The following DACH2 variants were observed in gnomAD, a reference collection of about 807,000 sequenced individuals.
The protein encoded by DACH2 is dachshund homolog 2.
A neutral mutation model predicts 35.8 loss-of-function variants in DACH2; 17 were observed. That is an observed-to-expected ratio of 0.48 (90% CI 0.33 to 0.71). DACH2 has a LOEUF of 0.71. Ranked by LOEUF, DACH2 falls within the 30% of genes least tolerant of loss-of-function variation. The pLI is 0.02. For missense variants in DACH2, 469 were observed against 472.7 expected, an observed-to-expected ratio of 0.99 and a Z score of 0.07; for synonymous variants, 195 against 177.3, an observed-to-expected ratio of 1.10 and a Z score of -0.79.
intron 11 of DACH2, among the ~76,000 whole-genome samples, chrX:86,826,097 G>C (rs778486621): frequency 7.2e-5 from 8 of 111,315 alleles, no homozygotes; most frequent in Non-Finnish European, 1.3e-4. Context: ...TGGCCTATAA[G>C]TGATGTGTAA....
In DACH2 at chrX:86,705,950, G is replaced by A. The variant is rs963895607; in HGVS notation, c.932-8598G>A. On this transcript the variant is annotated intron_variant, in intron 5 of 11. Coordinates refer to ENST00000373125, the MANE Select transcript of DACH2 (RefSeq NM_053281.3). The stretch of plus-strand genomic sequence containing the variant: ...AATTAATATCTTTTGCAGTCACTTG[G>A]ATGGAGCTGAAGGCCATCATTCTAA... Among the ~76,000 whole-genome samples the A allele has an allele frequency of 8.0e-5, 9 of 112,065 alleles. No individual in the cohort carries two copies. In the Admixed American group the frequency reaches 8.5e-4, roughly 11 times the overall value.
intron 11 of DACH2, among the ~76,000 whole-genome samples, chrX:86,820,598 C>CA (rs1444143403): frequency 9.1e-6 from 1 of 109,703 alleles, no homozygotes; most frequent in African/African-American, 3.3e-5. Context: ...GAATTAAAAA[C>CA]AAAAAAAGTG....
intron 1 of DACH2, among the ~76,000 whole-genome samples, chrX:86,288,624 C>G (rs1309706593): frequency 8.9e-6 from 1 of 112,023 alleles, no homozygotes. Flanking sequence ...TCACTCTTCC[C>G]TCCCTTTCTT....
At chrX:86,371,698 A>G (rs1789860923) in intron 1 of DACH2, among the ~76,000 whole-genome samples, 1 of 111,198 alleles carries the variant, frequency 9.0e-6, no homozygotes, top group Non-Finnish European at 1.9e-5. Flanking sequence ...AAGTGTTGTT[A>G]TATAAGATGC....
chrX:86,425,946 G>A (rs898877212), intron 2 of DACH2, among the ~76,000 whole-genome samples: 7 of 111,027 alleles, frequency 6.3e-5, no homozygotes, highest in Non-Finnish European at 9.5e-5. Flanking sequence ...TATGAGACCT[G>A]CAATGAGCAG....
intron 3 of DACH2, among the ~76,000 whole-genome samples, chrX:86,543,552 T>C (rs5968937): frequency 0.14 from 15,013 of 109,586 alleles, 907 homozygotes; most frequent in East Asian, 0.24. Flanking sequence ...TAGGAGAAAA[T>C]TGAAACCCAA....
intron 3 of DACH2, among the ~76,000 whole-genome samples, chrX:86,586,860 T>G (rs1281576659): frequency 8.9e-6 from 1 of 111,863 alleles, no homozygotes; most frequent in Non-Finnish European, 1.9e-5. Context: ...AAGTGATCCT[T>G]CAGCTTTGGT....
intron 11 of DACH2, among the ~76,000 whole-genome samples, chrX:86,824,546 A>G (rs2042544739): frequency 8.9e-6 from 1 of 111,986 alleles, no homozygotes; most frequent in African/African-American, 3.2e-5. Context: ...TAACAGGATT[A>G]AGAGATTAAA....
At chrX:86,482,289 T>G (rs2037949057) in intron 2 of DACH2, among the ~76,000 whole-genome samples, 1 of 112,237 alleles carries the variant, frequency 8.9e-6, no homozygotes, top group Non-Finnish European at 1.9e-5. Flanking sequence ...AATTTTCAAC[T>G]TACAGTTAAA....
At chrX:86,223,165 A>G (rs1158961195) in intron 1 of DACH2, among the ~76,000 whole-genome samples, 3 of 111,970 alleles carry the variant, frequency 2.7e-5, no homozygotes, top group Non-Finnish European at 5.6e-5. Flanking sequence ...ACTGGTTTGT[A>G]AACAGTAAGA....
At chrX:86,761,034 A>G (rs1295078337) in intron 7 of DACH2, among the ~76,000 whole-genome samples, 1 of 110,997 alleles carries the variant, frequency 9.0e-6, no homozygotes, top group African/African-American at 3.3e-5. Context: ...TTGTTTTTTA[A>G]TTTTTTATTT....
At chrX:86,663,218 G>T (rs1426160248) in intron 4 of DACH2, among the ~76,000 whole-genome samples, 3 of 111,716 alleles carry the variant, frequency 2.7e-5, no homozygotes. Flanking sequence ...CTGTATGAGA[G>T]TTTTGGTTTT....
chrX:86,340,173 G>T (rs1043490615), intron 1 of DACH2, among the ~76,000 whole-genome samples: 9 of 111,207 alleles, frequency 8.1e-5, no homozygotes, highest in Admixed American at 5.8e-4. Context: ...TTACTTTATT[G>T]CACTTAGTTG....
In DACH2 at chrX:86,485,086, A is replaced by G. The variant is rs766378045; in HGVS notation, c.528-29193A>G. Among the ~76,000 whole-genome samples the G allele has an allele frequency of 3.6e-5, 4 of 111,906 alleles. No homozygotes were observed. In the East Asian group the frequency reaches 1.1e-3, roughly 31 times the overall value. ...TGTGTGTATTTTTAACCTATATTTG[A>G]TAATAGTTTTTCAAACCTTATATAA... On this transcript the variant is annotated intron_variant, in intron 2 of 11. Transcript: ENST00000373125.
intron 2 of DACH2, among the ~76,000 whole-genome samples, chrX:86,442,025 C>A (rs1008781716): frequency 9.1e-6 from 1 of 109,616 alleles, no homozygotes; most frequent in Admixed American, 9.9e-5. Flanking sequence ...CCACCATGCC[C>A]AGTTATCCTT....
chrX:86,776,830 A>G (rs866788237), intron 7 of DACH2, among the ~76,000 whole-genome samples: 6 of 111,361 alleles, frequency 5.4e-5, no homozygotes, highest in Middle Eastern at 4.2e-3. Context: ...GAGTGAGAAC[A>G]TGCGGTGTTT....
chrX:86,644,770 G>A (rs1467404624), intron 3 of DACH2, among the ~76,000 whole-genome samples: 1 of 110,397 alleles, frequency 9.1e-6, no homozygotes, highest in Non-Finnish European at 1.9e-5. Flanking sequence ...GAATATCTAT[G>A]ACCATCTGAT....
At chrX:86,512,129 T>G (rs1216689602) in intron 2 of DACH2, among the ~76,000 whole-genome samples, 1 of 111,430 alleles carries the variant, frequency 9.0e-6, no homozygotes, top group African/African-American at 3.3e-5. Flanking sequence ...CAGACAAGTA[T>G]GCTACCTTCA....
chrX:86,779,001 A>T (rs2042064200), intron 7 of DACH2, among the ~76,000 whole-genome samples: 1 of 112,134 alleles, frequency 8.9e-6, no homozygotes, highest in Admixed American at 9.5e-5. Context: ...ACACCAGTAA[A>T]TAAAAGAGAC....
Sources: gnomAD v4.1 joint callset for allele counts (sites outside exome capture counted in the v4.1 genomes callset) on GRCh38, gnomAD v4.1.1 for gene constraint, MANE v1.5 for transcripts, NCBI Gene and HGNC (gene_info 2026-07-23, HGNC 2026-07-21) for gene names.